Variants in TLK2 observed in about 807,000 individuals in gnomAD.
TLK2 encodes the protein tousled like kinase 2.
Under a neutral mutation model 117.3 loss-of-function variants are expected in TLK2, and 6 were observed. The ratio of observed to expected loss-of-function variants is 0.05; its 90% CI spans 0.03 to 0.10. The LOEUF (loss-of-function observed/expected upper bound fraction) is 0.10. Ranked by LOEUF, TLK2 falls within the 10% of genes least tolerant of loss-of-function variation. TLK2 has a pLI of 1.00. For missense variants in TLK2, 299 were observed against 901.2 expected (o/e 0.33, Z 8.56); for synonymous variants, 257 against 316.7 (o/e 0.81, Z 2.00).
At chr17:62,477,291 C>T (rs192044490), upstream of TLK2, among the ~76,000 whole-genome samples, 1 of 152,114 alleles carries the variant, frequency 6.6e-6, no homozygotes, top group Non-Finnish European at 1.5e-5. Flanking sequence ...CCCTCTACCC[C>T]CAACCCGCGA....
At chr17:62,556,733 TCTAA>T (rs770543794) in intron 9 of TLK2, among the ~76,000 whole-genome samples, 9 of 152,072 alleles carry the variant, frequency 5.9e-5, no homozygotes, top group Non-Finnish European at 1.0e-4. Flanking sequence ...TGTGATTATG[TCTAA>T]CTATGCTTTT....
intron 2 of TLK2, among the ~76,000 whole-genome samples, chr17:62,498,190 A>G (rs1235411286): frequency 2.0e-5 from 3 of 152,274 alleles, no homozygotes; most frequent in Middle Eastern, 3.4e-3. Context: ...ATTGCAAGGA[A>G]AATTTCATTC....
chr17:62,503,647 G>C (rs2074408101), intron 2 of TLK2, among the ~76,000 whole-genome samples: 1 of 151,494 alleles, frequency 6.6e-6, no homozygotes, highest in South Asian at 2.1e-4. Flanking sequence ...TTAAACTCCT[G>C]GTCTCATGTG....
At position 62,606,258 on chromosome 17, in the gene TLK2, A is replaced by T. The variant is rs749046386; in HGVS notation, c.1971+17A>T. ...GGAAGGAAGGTAAGTTAGAAGGTTG[A>T]TGGAGAAGCTTGATCTCTTTCTTGG... On this transcript the variant is annotated intron_variant, in intron 20 of 21. Coordinates refer to ENST00000346027, the MANE Select transcript of TLK2 (RefSeq NM_006852.6). The T allele has an allele frequency of 1.3e-5, 20 of 1,522,156 alleles. No homozygotes were observed. In the East Asian group the frequency reaches 1.4e-4, roughly 10 times the overall value. The allele number at this position is 1,522,156 out of a possible 1,614,324, so 94.3% of individuals were successfully genotyped here.
At chr17:62,523,290 A>G in intron 5 of TLK2, 113 bp downstream of exon 5, 2 of 1,422,578 alleles carry the variant, frequency 1.4e-6, no homozygotes, top group South Asian at 2.9e-5. Context: ...TTAGAAAGTA[A>G]TATTTTGGCC....
chr17:62,482,788 C>T (rs1421266024), intron 2 of TLK2, among the ~76,000 whole-genome samples: 1 of 152,108 alleles, frequency 6.6e-6, no homozygotes, highest in Non-Finnish European at 1.5e-5. Flanking sequence ...AAATATTGAG[C>T]ACCTGCTGTA....
chr17:62,479,877 C>T (rs1289016683), intron 1 of TLK2, among the ~76,000 whole-genome samples: 1 of 152,230 alleles, frequency 6.6e-6, no homozygotes, highest in Non-Finnish European at 1.5e-5. Context: ...CAACCTTTGC[C>T]ATTCCGACCT....
At chr17:62,477,081 ACT>A (rs1173458896), upstream of TLK2, among the ~76,000 whole-genome samples, 1 of 150,990 alleles carries the variant, frequency 6.6e-6, no homozygotes, top group Non-Finnish European at 1.5e-5. Flanking sequence ...ACAGAGCGAG[ACT>A]CTGTCTCAAA....
intron 9 of TLK2, among the ~76,000 whole-genome samples, chr17:62,554,435 T>C (rs919974805): frequency 4.6e-5 from 7 of 151,914 alleles, no homozygotes; most frequent in Non-Finnish European, 5.9e-5. Flanking sequence ...TATAAAACGT[T>C]ATCCTGGTGT....
chr17:62,614,053 G>GGCGGA lies in TLK2; in HGVS notation c.*1490_*1494dup, dbSNP rs1025154356. ...GCAGGAGAATTTCTGGAACCCAGGA[G>GGCGGA]GCGGAGGTTGCAGTGAGCCGAGATG... On this transcript the variant is annotated 3_prime_UTR_variant, in exon 22 of 22. Transcript: ENST00000346027. 6.6e-6 allele frequency: 1 copy of GGCGGA among 151,288 alleles called. No homozygotes were observed. Among genetic ancestry groups the GGCGGA allele is most frequent in the African/African-American group, 2.4e-5 (1 of 40,964 alleles). 9.4% of individuals were successfully genotyped at this position (151,288 alleles called of 1,614,324 possible). A position where few individuals can be genotyped will look rare whatever the true frequency, so the allele number is the denominator to read the frequency against.
chr17:62,586,893 C>T (rs957482717), intron 16 of TLK2, among the ~76,000 whole-genome samples: 1 of 151,424 alleles, frequency 6.6e-6, no homozygotes, highest in African/African-American at 2.4e-5. Context: ...TGGGCTGTTT[C>T]TGCTACTTCA....
intron 2 of TLK2, among the ~76,000 whole-genome samples, chr17:62,514,809 C>A (rs1252502930): frequency 6.6e-6 from 1 of 152,082 alleles, no homozygotes; most frequent in Non-Finnish European, 1.5e-5. Flanking sequence ...AAACTCCTGG[C>A]CTCACGTGAT....
At chr17:62,561,781 A>G (rs2079298947) in intron 10 of TLK2, among the ~76,000 whole-genome samples, 1 of 152,222 alleles carries the variant, frequency 6.6e-6, no homozygotes, top group Non-Finnish European at 1.5e-5. Flanking sequence ...AGTGAGAAAA[A>G]ATAAAATATA....
At chr17:62,501,014 G>A (rs532794824) in intron 2 of TLK2, among the ~76,000 whole-genome samples, 4 of 152,014 alleles carry the variant, frequency 2.6e-5, no homozygotes, top group South Asian at 2.1e-4. Flanking sequence ...CGAAGTGGGC[G>A]GATCACGAGG....
intron 17 of TLK2, among the ~76,000 whole-genome samples, chr17:62,598,075 C>T (rs899110556): frequency 3.3e-5 from 5 of 152,166 alleles, no homozygotes; most frequent in African/African-American, 1.2e-4. Context: ...GGGCCATTCT[C>T]TCAGGGATTT....
intron 7 of TLK2, among the ~76,000 whole-genome samples, chr17:62,546,125 G>GC (rs954474326): frequency 1.3e-5 from 2 of 151,824 alleles, no homozygotes; most frequent in African/African-American, 4.8e-5. Flanking sequence ...CAAGTGATCT[G>GC]CCCGCCTTGG....
At chr17:62,491,521 G>C (rs1261299236) in intron 2 of TLK2, among the ~76,000 whole-genome samples, 1 of 152,124 alleles carries the variant, frequency 6.6e-6, no homozygotes, top group African/African-American at 2.4e-5. Flanking sequence ...GCTACTACTA[G>C]ATGTGATGGG....
chr17:62,532,198 C>T (rs1002167531), intron 6 of TLK2, among the ~76,000 whole-genome samples: 4 of 151,902 alleles, frequency 2.6e-5, no homozygotes, highest in African/African-American at 7.3e-5. Flanking sequence ...TGTTGTTGTT[C>T]GCCCATATTT....
chr17:62,491,057 G>A (rs2073062245), intron 2 of TLK2, among the ~76,000 whole-genome samples: 1 of 152,022 alleles, frequency 6.6e-6, no homozygotes, highest in African/African-American at 2.4e-5. Context: ...TTTGAGTTCT[G>A]GTCTTGTGTC....
Sources: gnomAD v4.1 joint callset for allele counts (sites outside exome capture counted in the v4.1 genomes callset) on GRCh38, gnomAD v4.1.1 for gene constraint, MANE v1.5 for transcripts, NCBI Gene and HGNC (gene_info 2026-07-23, HGNC 2026-07-21) for gene names.